Variants in LAMA2 observed in about 807,000 individuals in gnomAD.
LAMA2 encodes the protein laminin subunit alpha-2.
Under a neutral mutation model 364.8 loss-of-function variants are expected in LAMA2, and 269 were observed. The observed-to-expected ratio is 0.74, with a 90% CI of 0.67 to 0.82. LAMA2 has a LOEUF of 0.82. Ranked by LOEUF, LAMA2 falls within the 40% of genes least tolerant of loss-of-function variation. The pLI is 0.00. For missense variants in LAMA2, 3,807 were observed against 3,873.2 expected (o/e 0.98, Z 0.45); for synonymous variants, 1,379 against 1,370.6 (o/e 1.01, Z -0.14).
At chr6:128,885,864 A>C (rs1776124221) in intron 1 of LAMA2, among the ~76,000 whole-genome samples, 1 of 152,210 alleles carries the variant, frequency 6.6e-6, no homozygotes. Flanking sequence ...ATGATATTCC[A>C]AGGAAATTCT....
At chr6:129,038,364 T>A (rs1000075624) in intron 1 of LAMA2, among the ~76,000 whole-genome samples, 1 of 152,220 alleles carries the variant, frequency 6.6e-6, no homozygotes, top group Non-Finnish European at 1.5e-5. Context: ...TGTGTGTACA[T>A]AACATGTGAT....
chr6:129,361,531 C>A (rs986677498), intron 32 of LAMA2, among the ~76,000 whole-genome samples: 1 of 152,232 alleles, frequency 6.6e-6, no homozygotes, highest in Non-Finnish European at 1.5e-5. Flanking sequence ...CAGATGGCCT[C>A]AAGCCCAAAT....
chr6:129,042,969 G>T (rs1192247794), intron 1 of LAMA2, among the ~76,000 whole-genome samples: 1 of 151,998 alleles, frequency 6.6e-6, no homozygotes, highest in Non-Finnish European at 1.5e-5. Context: ...AAACTTCTAT[G>T]AACATTTTTG....
rs377440882 is a variant in LAMA2 at position 129,496,153 on chromosome 6, T to TTTTG, written c.8244+3688_8244+3691dup. Reference sequence around the variant, plus strand: ...AATTCCAACTGCTATTTCACCTTCTTTTTGTTTGTTTGTTTGTTTGTCTGT... The same window carrying TTTTG: ...AATTCCAACTGCTATTTCACCTTCTTTTTGTTTGTTTGTTTGTTTGTTTGTCTGT... On this transcript the variant is annotated intron_variant, in intron 58 of 64. Transcript: ENST00000421865. Among the ~76,000 whole-genome samples, 812 of 152,144 alleles carry TTTTG rather than the reference T, an allele frequency of 5.3e-3. 6 individuals carry two copies. Among genetic ancestry groups the TTTTG allele is most frequent in the African/African-American group, 0.017 (703 of 41,504 alleles).
chr6:129,423,266 G>A (rs1781168528), intron 40 of LAMA2, among the ~76,000 whole-genome samples: 1 of 151,996 alleles, frequency 6.6e-6, no homozygotes, highest in African/African-American at 2.4e-5. Context: ...AGAAGGCAAG[G>A]ATATCTGCTT....
chr6:129,493,440 TTTTGAGA>T (rs1258958784), intron 58 of LAMA2, among the ~76,000 whole-genome samples: 2 of 152,184 alleles, frequency 1.3e-5, no homozygotes, highest in Admixed American at 6.5e-5. Flanking sequence ...CCTGCTTAGC[TTTTGAGA>T]TCAGAAAAGA....
intron 10 of LAMA2, among the ~76,000 whole-genome samples, chr6:129,184,340 A>G (rs1478808): frequency 0.26 from 40,088 of 151,842 alleles, 6,791 homozygotes; most frequent in African/African-American, 0.48. Context: ...AGGTTCATGC[A>G]TGAATGAATT....
At chr6:128,884,626 T>A (rs1421932946) in intron 1 of LAMA2, among the ~76,000 whole-genome samples, 1 of 151,914 alleles carries the variant, frequency 6.6e-6, no homozygotes, top group Non-Finnish European at 1.5e-5. Flanking sequence ...ACTATATAAC[T>A]TTTTTCCTTC....
At chr6:129,141,548 T>A (rs1284723654) in intron 4 of LAMA2, among the ~76,000 whole-genome samples, 1 of 152,038 alleles carries the variant, frequency 6.6e-6, no homozygotes, top group African/African-American at 2.4e-5. Context: ...ACACCAGAAT[T>A]AGTTTCTCAT....
chr6:129,007,122 G>A (rs748025088), intron 1 of LAMA2, among the ~76,000 whole-genome samples: 3 of 152,164 alleles, frequency 2.0e-5, no homozygotes, highest in Admixed American at 6.6e-5. Context: ...TGCAGAGGGC[G>A]TAGGGGAAGC....
At chr6:129,183,084 T>C (rs1252174206) in intron 10 of LAMA2, among the ~76,000 whole-genome samples, 2 of 152,016 alleles carry the variant, frequency 1.3e-5, no homozygotes, top group Non-Finnish European at 2.9e-5. Context: ...GTGAAAGCAG[T>C]GCTAGCTCAA....
chr6:128,940,058 A>G (rs900480627), intron 1 of LAMA2, among the ~76,000 whole-genome samples: 12 of 152,094 alleles, frequency 7.9e-5, no homozygotes, highest in Non-Finnish European at 1.8e-4. Flanking sequence ...CTTGCTCATC[A>G]TGATTTTGCC....
intron 16 of LAMA2, among the ~76,000 whole-genome samples, chr6:129,270,318 C>T (rs555906521): frequency 5.0e-4 from 70 of 139,986 alleles, no homozygotes; most frequent in Non-Finnish European, 9.2e-4. Context: ...CACACACACG[C>T]AATATCATGT....
intron 34 of LAMA2, among the ~76,000 whole-genome samples, chr6:129,382,319 A>G (rs994210435): frequency 3.3e-5 from 5 of 152,270 alleles, no homozygotes; most frequent in African/African-American, 9.6e-5. Flanking sequence ...TAAAGAAACA[A>G]TGTTATACAC....
intron 12 of LAMA2, among the ~76,000 whole-genome samples, chr6:129,193,180 G>A (rs1781636410): frequency 6.6e-6 from 1 of 152,198 alleles, no homozygotes; most frequent in Admixed American, 6.5e-5. Flanking sequence ...TGTGAAAAGA[G>A]CTGTTTTCTG....
At chr6:128,957,602 A>G (rs907031923) in intron 1 of LAMA2, among the ~76,000 whole-genome samples, 1 of 151,692 alleles carries the variant, frequency 6.6e-6, no homozygotes, top group Non-Finnish European at 1.5e-5. Flanking sequence ...TGCTTTTTTT[A>G]GGGGGGGAAG....
At chr6:129,258,770 G>A (rs1047439496) in intron 14 of LAMA2, among the ~76,000 whole-genome samples, 2 of 151,968 alleles carry the variant, frequency 1.3e-5, no homozygotes, top group Non-Finnish European at 2.9e-5. Flanking sequence ...GACAAGAAAA[G>A]TAAATGCCTG....
rs751539960 is a variant in LAMA2 at position 129,315,504 on chromosome 6, T to A, written c.3584T>A (p.Leu1195Gln). 5 of 1,614,232 alleles carry A rather than the reference T, an allele frequency of 3.1e-6. No individual in the cohort carries two copies. The highest frequency in any genetic ancestry group is 4.2e-6 in the Non-Finnish European group (5 of 1,180,028). ...ACTCTGAAGGCTGAGCAGACCATTC[T>A]ACCCCTGGTAGATGAGGCTCTGCAG... ...WVTLKAEQTILPLVDEALQHT... is the reference protein window; with the variant it reads ...WVTLKAEQTIQPLVDEALQHT... Residue 1195 changes from leucine (L) to glutamine (Q), a missense_variant, in exon 25 of 65, where the codon CTA becomes CAA. Leu to Gln is a moderately radical substitution (Grantham distance 113). Around this residue, in one of 3 missense-constraint regions of LAMA2, gnomAD observed 3,333 missense variants for 3,345.7 expected, o/e 1.00. Transcript: ENST00000421865.
At chr6:129,235,881 G>A (rs980898170) in intron 12 of LAMA2, among the ~76,000 whole-genome samples, 2 of 152,070 alleles carry the variant, frequency 1.3e-5, no homozygotes, top group African/African-American at 4.8e-5. Flanking sequence ...ACTCTGCCAA[G>A]GCTATTTATT....
Sources: allele counts gnomAD v4.1 joint callset (sites outside exome capture counted in the v4.1 genomes callset), GRCh38; gene constraint gnomAD v4.1.1; regional missense constraint gnomAD v4.1.1; transcripts MANE v1.5; gene names NCBI Gene and HGNC (gene_info 2026-07-23, HGNC 2026-07-21).